The following BIRC6 variants were observed in gnomAD, a reference collection of about 807,000 sequenced individuals.
The protein encoded by BIRC6 is dual E2 ubiquitin-conjugating enzyme/E3 ubiquitin-protein ligase BIRC6.
A neutral mutation model predicts 503.3 loss-of-function variants in BIRC6; 98 were observed. The observed-to-expected ratio is 0.19, with a 90% CI of 0.17 to 0.23. The LOEUF (loss-of-function observed/expected upper bound fraction) is 0.23, where lower values mean the gene tolerates loss of function less well. BIRC6 is among the 10% of genes least tolerant of loss of function. The probability of loss-of-function intolerance (pLI) is 1.00; values close to 1 mark genes in which losing one functional copy is unlikely to be tolerated. For synonymous variants in BIRC6, 2,240 were observed against 2,078.7 expected, an observed-to-expected ratio of 1.08 and a Z score of -2.11; for missense variants, 5,360 against 5,806.0, an observed-to-expected ratio of 0.92 and a Z score of 2.50.
rs1205136889 is a variant in BIRC6 at position 32,469,046 on chromosome 2, T to C, written c.6127+263T>C. 3.9e-5 allele frequency among the ~76,000 whole-genome samples: 6 copies of C among 152,342 alleles called. No homozygotes were observed. The East Asian group carries it at 9.6e-4, about 24-fold the overall frequency. On this transcript the variant is annotated intron_variant, in intron 29 of 73. Coordinates refer to ENST00000421745, the MANE Select transcript of BIRC6 (RefSeq NM_016252.4). ...TACTGGCAAAGTATTAAGTATTGCATTGAAGTTGAACAGTGAAACTTTTCA... is the reference window on the plus strand; with the variant it reads ...TACTGGCAAAGTATTAAGTATTGCACTGAAGTTGAACAGTGAAACTTTTCA...
intron 62 of BIRC6, 36 bp from the exon 63 acceptor site, chr2:32,545,607 T>G (rs1406058397): frequency 6.5e-7 from 1 of 1,544,896 alleles, no homozygotes; most frequent in Non-Finnish European, 8.9e-7. Flanking sequence ...TTTTTAACTG[T>G]TTTTAATCTT....
chr2:32,407,770 C>T (rs2041402534), intron 9 of BIRC6, among the ~76,000 whole-genome samples: 1 of 151,562 alleles, frequency 6.6e-6, no homozygotes, highest in Non-Finnish European at 1.5e-5. Flanking sequence ...CAGTTCTTAG[C>T]AATGAACAAA....
At chr2:32,438,212 A>G (rs2044958832) in intron 15 of BIRC6, among the ~76,000 whole-genome samples, 1 of 152,200 alleles carries the variant, frequency 6.6e-6, no homozygotes, top group African/African-American at 2.4e-5. Flanking sequence ...GCATCTTTGA[A>G]ACTGAATAAG....
At chr2:32,390,586 G>A (rs1350462375) in intron 4 of BIRC6, among the ~76,000 whole-genome samples, 1 of 152,182 alleles carries the variant, frequency 6.6e-6, no homozygotes, top group East Asian at 1.9e-4. Context: ...AGAGTGCTGG[G>A]ATTACAGGTG....
In BIRC6 at chr2:32,600,784, G is replaced by T. The variant is rs766787636; in HGVS notation, c.13992+884G>T. Among the ~76,000 whole-genome samples, 3 of 152,124 alleles carry T rather than the reference G, an allele frequency of 2.0e-5. No individual in the cohort carries two copies. In the South Asian group the frequency reaches 6.2e-4, roughly 31 times the overall value. The stretch of plus-strand genomic sequence containing the variant: ...GTGTTCCTTGATACACACAATTGTG[G>T]ACTTATTTTTAAAGTTTACACACTG... On this transcript the variant is annotated intron_variant, in intron 70 of 73. Coordinates refer to ENST00000421745, the MANE Select transcript of BIRC6 (RefSeq NM_016252.4).
intron 54 of BIRC6, among the ~76,000 whole-genome samples, chr2:32,513,767 G>A (rs868513935): frequency 4.6e-5 from 7 of 152,258 alleles, no homozygotes; most frequent in South Asian, 4.1e-4. Flanking sequence ...AAACTAGCCC[G>A]GCGTGGTGGC....
chr2:32,490,071 C>G lies in BIRC6; in HGVS notation c.8126C>G (p.Ala2709Gly), dbSNP rs752257688. The G allele has an allele frequency of 6.2e-7, 1 of 1,613,204 alleles. No homozygotes were observed. The highest frequency in any genetic ancestry group is 1.1e-5 in the South Asian group (1 of 91,060). The change falls in exon 43 of 74, where the codon GCT (alanine) becomes GGT (glycine). Residue 2709 changes from alanine to glycine, a missense_variant. Physicochemically the swap from Ala to Gly is moderately conservative, Grantham distance 60. Transcript: ENST00000421745. ...ATAACTAGCTTTCTCACAGTGTTAG[C>G]TTGGTATCCCAATACTTTGCTCCGG... ...ASITSFLTVLAWYPNTLLRTW... is the reference protein window; with the variant it reads ...ASITSFLTVLGWYPNTLLRTW...
In BIRC6 at chr2:32,439,651, C is replaced by T. The variant is rs1339686918; in HGVS notation, c.3775C>T (p.Leu1259Phe). 2 of 1,613,800 alleles carry T rather than the reference C, an allele frequency of 1.2e-6. No homozygotes were observed. Among genetic ancestry groups the T allele is most frequent in the African/African-American group, 1.3e-5 (1 of 75,036 alleles). ...ACACCAGAGTAACAAGGGTTATTCA[C>T]TTGCTTCACTTTTGGCTAAAGTTGC... ...LKHQSNKGYS[L>F]ASLLAKVAAG... is the part of the protein sequence containing the mutation. Residue 1259 changes from leucine (L) to phenylalanine (F), a missense_variant, in exon 16 of 74, where the codon CTT becomes TTT. Coordinates refer to ENST00000421745, the MANE Select transcript of BIRC6 (RefSeq NM_016252.4).
At chr2:32,603,107 T>G (rs754252194) in intron 71 of BIRC6, 24 bp downstream of exon 71, 1 of 1,587,190 alleles carries the variant, frequency 6.3e-7, no homozygotes. Context: ...CTCTGACATT[T>G]TCACTTAAGA....
intron 26 of BIRC6, among the ~76,000 whole-genome samples, chr2:32,465,665 A>G (rs577404460): frequency 6.6e-6 from 1 of 152,294 alleles, no homozygotes; most frequent in East Asian, 1.9e-4. Context: ...TTCAATCACA[A>G]CATATTTGTG....
At chr2:32,457,616 A>G (rs141341751) in intron 23 of BIRC6, among the ~76,000 whole-genome samples, 13 of 152,218 alleles carry the variant, frequency 8.5e-5, no homozygotes, top group African/African-American at 3.1e-4. Context: ...AATTCCCATG[A>G]TACATTATTA....
chr2:32,439,745 T>G, intron 16 of BIRC6, 59 bp downstream of exon 16: 1 of 1,466,130 alleles, frequency 6.8e-7, no homozygotes, highest in Admixed American at 1.8e-5. Context: ...GGATCAGATT[T>G]AACACACTAT....
intron 31 of BIRC6, 75 bp downstream of exon 31, chr2:32,470,376 G>A: frequency 7.7e-7 from 1 of 1,294,586 alleles, no homozygotes; most frequent in South Asian, 1.5e-5. Context: ...TATCTTCTCT[G>A]AAATACTTTA....
At chr2:32,435,961 G>T (rs1382459562) in intron 14 of BIRC6, 92 bp from the exon 15 acceptor site, 2 of 672,636 alleles carry the variant, frequency 3.0e-6, no homozygotes, top group African/African-American at 3.7e-5. Flanking sequence ...TTTGTGTGGT[G>T]GTATTATATG....
In BIRC6 at chr2:32,357,776, A is replaced by AC. The variant is rs1014900092; in HGVS notation, c.325+292dup. Reference sequence around the variant, plus strand: ...TTGGTCCTCCGCGAGAGGTGAGGAGACCTTGGAGCTTGGCACCGGAGGAAG... The same window carrying AC: ...TTGGTCCTCCGCGAGAGGTGAGGAGACCCTTGGAGCTTGGCACCGGAGGAAG... On this transcript the variant is annotated intron_variant, in intron 1 of 73. Coordinates refer to ENST00000421745, the MANE Select transcript of BIRC6 (RefSeq NM_016252.4). This position sits in a 1 kb window ranked among gnomAD's most constrained non-coding sequence, Gnocchi z 4.9. Among the ~76,000 whole-genome samples the AC allele has an allele frequency of 6.6e-5, 10 of 151,430 alleles. No homozygotes were observed. The highest frequency in any genetic ancestry group is 2.4e-4 in the African/African-American group (10 of 41,166).
At chr2:32,561,984 G>C (rs907523992) in intron 65 of BIRC6, among the ~76,000 whole-genome samples, 1 of 151,976 alleles carries the variant, frequency 6.6e-6, no homozygotes, top group Admixed American at 6.6e-5. Context: ...GAAGGTTGCA[G>C]TGAGCCGAGA....
chr2:32,408,776 G>A (rs1403988833), intron 9 of BIRC6, among the ~76,000 whole-genome samples: 1 of 152,000 alleles, frequency 6.6e-6, no homozygotes, highest in African/African-American at 2.4e-5. Context: ...TTCATTTAGG[G>A]GTGTAAAAAT....
Position 32,597,982 on chromosome 2 carries a change from A to T in BIRC6, c.13830+14A>T. 1 of 1,590,300 alleles carries T rather than the reference A, an allele frequency of 6.3e-7. No homozygotes were observed. The highest frequency in any genetic ancestry group is 8.6e-7 in the Non-Finnish European group (1 of 1,166,936). ...GATATCATGAAGGTAAAAAATAATG[A>T]TAATAAAGCACTCTCCCTTATCTCC... On this transcript the variant is annotated intron_variant, in intron 69 of 73. Transcript: ENST00000421745.
chr2:32,542,381 A>G (rs1329331714), intron 61 of BIRC6, among the ~76,000 whole-genome samples: 1 of 152,186 alleles, frequency 6.6e-6, no homozygotes, highest in Non-Finnish European at 1.5e-5. Context: ...ACAAGTTATA[A>G]GGAAGTAGGA....
Sources: allele counts gnomAD v4.1 joint callset (sites outside exome capture counted in the v4.1 genomes callset), GRCh38; gene constraint gnomAD v4.1.1; non-coding constraint Gnocchi (gnomAD v3.1); transcripts MANE v1.5; gene names NCBI Gene and HGNC (gene_info 2026-07-23, HGNC 2026-07-21).